The following COL9A3 variants were observed in gnomAD, a reference collection of about 807,000 sequenced individuals.
COL9A3 encodes collagen type IX alpha 3 chain.
Under a neutral mutation model 110.2 loss-of-function variants are expected in COL9A3, and 82 were observed. The ratio of observed to expected loss-of-function variants is 0.74; its 90% confidence interval spans 0.62 to 0.89. COL9A3 has a LOEUF of 0.89. Ranked by LOEUF, COL9A3 falls within the 40% of genes least tolerant of loss-of-function variation. The pLI is 0.00. For synonymous variants in COL9A3, 494 were observed against 403.8 expected (o/e 1.22, Z -2.68); for missense variants, 1,066 against 981.3 (o/e 1.09, Z -1.15).
At chr20:62,836,635 A>G in intron 29 of COL9A3, 103 bp downstream of exon 29, 2 of 1,274,450 alleles carry the variant, frequency 1.6e-6, no homozygotes, top group Non-Finnish European at 2.2e-6. Flanking sequence ...TTTCCAGCCA[A>G]AGTGAGCCCC....
intron 5 of COL9A3, 78 bp downstream of exon 5, chr20:62,820,060 C>A: frequency 6.7e-7 from 1 of 1,501,638 alleles, no homozygotes; most frequent in Non-Finnish European, 9.2e-7. Context: ...TCTGTGTCCA[C>A]AAGGCCAAGG....
In COL9A3 at chr20:62,824,444, G is replaced by A. The variant is rs2063534927; in HGVS notation, c.520-1G>A. The A allele has an allele frequency of 1.2e-6, 2 of 1,601,440 alleles. No individual in the cohort carries two copies. The highest frequency in any genetic ancestry group is 1.3e-5 in the African/African-American group (1 of 74,758). On this transcript the variant is annotated splice_acceptor_variant, in intron 10 of 31. Coordinates refer to ENST00000649368, the MANE Select transcript of COL9A3 (RefSeq NM_001853.4). LOFTEE classifies it high-confidence loss of function. Reference sequence around the variant, plus strand: ...GGTCTGACTGCTCTGTTTTCCGACAGTGCCCAAGTATCTGCCCGCCAGGTC... The same window carrying A: ...GGTCTGACTGCTCTGTTTTCCGACAATGCCCAAGTATCTGCCCGCCAGGTC...
intron 30 of COL9A3, among the ~76,000 whole-genome samples, chr20:62,837,724 T>C (rs1202874532): frequency 1.3e-5 from 2 of 152,160 alleles, no homozygotes; most frequent in African/African-American, 4.8e-5. Context: ...GGAGAATCTC[T>C]TGAACCCTGA....
At chr20:62,821,905 C>T in intron 8 of COL9A3, 95 bp downstream of exon 8, 1 of 798,744 alleles carries the variant, frequency 1.3e-6, no homozygotes, top group East Asian at 2.6e-5. Context: ...TCTCCCTTTT[C>T]CCTTTCTCCC....
At chr20:62,829,351 GCACT>G (rs1364397333) in intron 19 of COL9A3, 100 bp from the exon 20 acceptor site, 1 of 1,466,874 alleles carries the variant, frequency 6.8e-7, no homozygotes, top group Non-Finnish European at 9.4e-7. Context: ...GCCTTTGGGT[GCACT>G]CACTCTGGCC....
intron 8 of COL9A3, 26 bp from the exon 9 acceptor site, chr20:62,822,085 C>T (rs763998474): frequency 7.5e-6 from 11 of 1,468,540 alleles, no homozygotes; most frequent in Admixed American, 1.7e-5. Flanking sequence ...TGGTCCCACT[C>T]TGTCTAAGTC....
Position 62,836,192 on chromosome 20 carries a change from C to T in COL9A3, c.1407C>T (p.Gly469=), listed in dbSNP as rs751267091. Residue 469 remains glycine, a synonymous_variant, in exon 28 of 32, where the codon GGC becomes GGT. Coordinates refer to ENST00000649368, the MANE Select transcript of COL9A3 (RefSeq NM_001853.4). ...SGLVGPKGES[G]SRGELGPKGT... is the part of the protein sequence containing the mutation. The stretch of plus-strand genomic sequence containing the variant: ...CTTCCTCTGTTCCTCTGCAGTCTGG[C>T]AGTCGAGGGGAGCTGGGCCCCAAAG... The T allele has an allele frequency of 1.2e-6, 2 of 1,613,160 alleles. No individual in the cohort carries two copies. The highest frequency in any genetic ancestry group is 1.1e-5 in the South Asian group (1 of 91,066).
intron 16 of COL9A3, 107 bp from the exon 17 acceptor site, chr20:62,827,815 GC>G: frequency 8.2e-7 from 1 of 1,219,172 alleles, no homozygotes; most frequent in Non-Finnish European, 1.2e-6. Flanking sequence ...GGTGGCCCCT[GC>G]CGCTGCCCAC....
intron 8 of COL9A3, 142 bp downstream of exon 8, chr20:62,821,952 G>T (rs958808183): frequency 4.0e-6 from 3 of 752,244 alleles, no homozygotes; most frequent in African/African-American, 3.5e-5. Flanking sequence ...AGAAGCCCTG[G>T]CCAATGATCC....
intron 25 of COL9A3, chr20:62,832,699 C>G (rs934945683): frequency 2.7e-6 from 1 of 369,588 alleles, no homozygotes; most frequent in Non-Finnish European, 4.6e-6. Flanking sequence ...TCCTGCAGTG[C>G]CTGCTCTCAC....
intron 10 of COL9A3, among the ~76,000 whole-genome samples, chr20:62,822,999 C>T (rs765434934): frequency 1.6e-4 from 25 of 152,188 alleles, no homozygotes; most frequent in Non-Finnish European, 3.2e-4. Context: ...AGTCTGGGAC[C>T]CACCTTTATC....
rs935254504 is a variant in COL9A3, at chr20:62,832,907, C to T, written c.1324-113C>T. 100 of 1,049,786 alleles carry T rather than the reference C, an allele frequency of 9.5e-5. No homozygotes were observed. The Middle Eastern group carries it at 1.0e-3, about 11-fold the overall frequency. The allele number at this position is 1,049,786 out of a possible 1,614,324, so 65.0% of individuals were successfully genotyped here. ...GCCCTGGGGCCTGGGCTTTTGGCCTCGACCTTAAGATGAACATTACACCTA... is the reference window on the plus strand; with the variant it reads ...GCCCTGGGGCCTGGGCTTTTGGCCTTGACCTTAAGATGAACATTACACCTA... On this transcript the variant is annotated intron_variant, in intron 25 of 31. Transcript: ENST00000649368.
chr20:62,817,546 A>G, intron 1 of COL9A3, 21 bp from the exon 2 acceptor site: 1 of 1,523,186 alleles, frequency 6.6e-7, no homozygotes, highest in Non-Finnish European at 8.9e-7. Flanking sequence ...TGCGCTCCTT[A>G]ATGAGTTTTC....
chr20:62,832,842 A>T (rs763813023), intron 25 of COL9A3, 178 bp from the exon 26 acceptor site: 18 of 617,286 alleles, frequency 2.9e-5, no homozygotes, highest in Non-Finnish European at 4.7e-5. Context: ...CCCTGCCTGC[A>T]GGTCTCCCAA....
At position 62,821,529 on chromosome 20, in the gene COL9A3, C is replaced by G. The variant is rs756661628; in HGVS notation, c.368C>G (p.Pro123Arg). 101 of 1,612,730 alleles carry G rather than the reference C, an allele frequency of 6.3e-5. No homozygotes were observed. Among genetic ancestry groups the G allele is most frequent in the Non-Finnish European group, 8.1e-5 (95 of 1,179,962 alleles). The change falls in exon 7 of 32, where the codon CCC becomes CGC. Residue 123 changes from proline (P) to arginine (R), a missense_variant and splice_region_variant. Coordinates refer to ENST00000649368, the MANE Select transcript of COL9A3 (RefSeq NM_001853.4). The part of the protein sequence containing the change: ...GLGGKGLPGP[P>R]GEAGVSGPPG... ...CAGGGCAAAGGCCTCCCTGGACCCC[C>G]CGTGAGTACTGACAACCCTTGGGGC...
intron 6 of COL9A3, 28 bp from the exon 7 acceptor site, chr20:62,821,479 G>C: frequency 1.9e-6 from 3 of 1,612,920 alleles, no homozygotes; most frequent in Non-Finnish European, 2.5e-6. Context: ...GTGCCTGGCA[G>C]GCTCTGACCC....
Position 62,830,369 on chromosome 20 carries a change from G to A in COL9A3, c.1171G>A (p.Gly391Ser), listed in dbSNP as rs773654565. ...CACCTTTGTCTTCCAGGGGGCCCTCGGCCCACAAGGCCCTCCCGGAGCCCC... is the reference window on the plus strand; with the variant it reads ...CACCTTTGTCTTCCAGGGGGCCCTCAGCCCACAAGGCCCTCCCGGAGCCCC... ...AGHRGSAGAL[G>S]PQGPPGAPGV... Residue 391 changes from glycine (G) to serine (S), a missense_variant, in exon 23 of 32, where the codon GGC becomes AGC. By Grantham distance (56) the Gly-to-Ser change is moderately conservative. Transcript: ENST00000649368. 19 of 1,571,918 alleles carry A rather than the reference G, an allele frequency of 1.2e-5. No individual in the cohort carries two copies. The highest frequency in any genetic ancestry group is 8.1e-5 in the South Asian group (7 of 86,038).
chr20:62,834,304 C>A (rs1203822589), intron 26 of COL9A3, among the ~76,000 whole-genome samples: 1 of 152,252 alleles, frequency 6.6e-6, no homozygotes, highest in Non-Finnish European at 1.5e-5. Flanking sequence ...GCCGCCGTGT[C>A]AGGCCCACAG....
At position 62,828,306 on chromosome 20, in the gene COL9A3, C is replaced by T. The variant is rs562967680; in HGVS notation, c.900+330C>T. On this transcript the variant is annotated intron_variant, in intron 17 of 31. Transcript: ENST00000649368. The stretch of plus-strand genomic sequence containing the variant: ...CCTTCCTTCCTGCTGGGTGCCCACC[C>T]TCAGCCCAGACCTGAGCTCCCTTCT... Among the ~76,000 whole-genome samples, 6 of 152,338 alleles carry T rather than the reference C, an allele frequency of 3.9e-5. No individual in the cohort carries two copies. In the South Asian group the frequency reaches 1.0e-3, roughly 26 times the overall value.
Sources: gnomAD v4.1 joint callset for allele counts (sites outside exome capture counted in the v4.1 genomes callset) on GRCh38, gnomAD v4.1.1 for gene constraint, MANE v1.5 for transcripts, NCBI Gene and HGNC (gene_info 2026-07-23, HGNC 2026-07-21) for gene names.